Variants in PDZD9 observed in about 807,000 individuals in gnomAD.
PDZD9 encodes the protein PDZ domain containing 9, also known as PDZ domain-containing protein 9.
PDZD9 carries 13 observed loss-of-function variants against 16.3 expected under a neutral mutation model. The observed-to-expected ratio is 0.80, with a 90% CI of 0.52 to 1.27. The LOEUF (loss-of-function observed/expected upper bound fraction) is 1.27. Ranked by LOEUF, PDZD9 falls within the 50% of genes most tolerant of loss-of-function variation. The pLI is 0.00. For synonymous variants in PDZD9, 120 were observed against 111.0 expected (o/e 1.08, Z -0.51); for missense variants, 288 against 310.9 (o/e 0.93, Z 0.55).
intron 1 of PDZD9, among the ~76,000 whole-genome samples, chr16:21,997,630 G>A (rs1473926689): frequency 6.6e-6 from 1 of 152,214 alleles, no homozygotes; most frequent in Non-Finnish European, 1.5e-5. Flanking sequence ...GGGAAAATCC[G>A]AAGGCCTTGG....
intron 1 of PDZD9, 138 bp downstream of exon 1, chr16:22,000,868 ATGATGATAATG>A: frequency 1.4e-6 from 1 of 692,934 alleles, no homozygotes; most frequent in Non-Finnish European, 2.5e-6. Context: ...GATGATGATG[ATGATGATAATG>A]ATGATGATGA....
At chr16:21,958,432 A>G in the PDZD9 span, 1 of 1,025,398 alleles carries the variant, frequency 9.8e-7, no homozygotes, top group Non-Finnish European at 1.5e-6. Flanking sequence ...GGAATTTAGT[A>G]AAATTCTTTT....
chr16:21,968,830 A>C, the PDZD9 span: 1 of 559,946 alleles, frequency 1.8e-6, no homozygotes, highest in Non-Finnish European at 2.9e-6. Flanking sequence ...ATAGGATTTT[A>C]ATTGCTAGTC....
chr16:21,976,881 C>T, the PDZD9 span: 105 of 152,232 alleles, frequency 6.9e-4, no homozygotes, highest in African/African-American at 2.4e-3. Flanking sequence ...AAAATTTAAA[C>T]AATATTCATT....
the PDZD9 span, chr16:21,968,737 C>T: frequency 6.6e-7 from 1 of 1,515,962 alleles, no homozygotes; most frequent in Non-Finnish European, 8.9e-7. Context: ...AGAGCAGTTC[C>T]TTAAACTGTA....
At chr16:21,958,219 CAA>C in the PDZD9 span, among the ~76,000 whole-genome samples, 1 of 151,956 alleles carries the variant, frequency 6.6e-6, no homozygotes, top group Admixed American at 6.6e-5. Flanking sequence ...AATCAGTAAA[CAA>C]ATTTTTAACA....
the PDZD9 span, chr16:21,957,661 T>C: frequency 5.4e-6 from 8 of 1,486,898 alleles, no homozygotes; most frequent in Middle Eastern, 1.8e-4. Flanking sequence ...ATATTTTGAT[T>C]CCTTGACCTG....
the PDZD9 span, among the ~76,000 whole-genome samples, chr16:21,963,970 T>A: frequency 6.6e-6 from 1 of 152,356 alleles, no homozygotes; most frequent in East Asian, 1.9e-4. Context: ...TCTAATTATA[T>A]AATCTTGACA....
the PDZD9 span, among the ~76,000 whole-genome samples, chr16:21,972,431 C>G: frequency 6.6e-6 from 1 of 152,176 alleles, no homozygotes; most frequent in Non-Finnish European, 1.5e-5. Context: ...TAGATTCTAA[C>G]TAGTCTTTTT....
At chr16:21,958,750 A>T in the PDZD9 span, 1 of 688,014 alleles carries the variant, frequency 1.5e-6, no homozygotes, top group Non-Finnish European at 2.4e-6. Flanking sequence ...ACTGTAAAAC[A>T]TCTTTATGTC....
intron 2 of PDZD9, chr16:21,995,411 A>C: frequency 3.0e-6 from 1 of 337,456 alleles, no homozygotes; most frequent in Non-Finnish European, 5.9e-6. Flanking sequence ...ACAGCATCTC[A>C]CTGTGTTGCT....
chr16:21,997,424 A>G (rs1899178893), intron 1 of PDZD9, among the ~76,000 whole-genome samples: 1 of 152,236 alleles, frequency 6.6e-6, no homozygotes, highest in South Asian at 2.1e-4. Context: ...TCCCTGTCAG[A>G]GGAGGGGGAG....
downstream of PDZD9, chr16:21,983,419 A>G: frequency 2.1e-6 from 1 of 469,584 alleles, no homozygotes; most frequent in Non-Finnish European, 3.7e-6. Flanking sequence ...TTTGTTTTAG[A>G]TGCTTTAAAG....
the PDZD9 span, chr16:21,976,409 C>A: frequency 1.7e-6 from 1 of 604,858 alleles, no homozygotes; most frequent in Non-Finnish European, 2.7e-6. Context: ...TAATTGTTAA[C>A]ATTTTGGCCA....
the PDZD9 span, chr16:21,959,395 C>T: frequency 3.7e-6 from 1 of 272,312 alleles, no homozygotes; most frequent in Non-Finnish European, 7.4e-6. Context: ...ACTTTGTTTG[C>T]TCATCCATAA....
intron 2 of PDZD9, 66 bp downstream of exon 2, chr16:21,996,256 C>A: frequency 6.2e-6 from 9 of 1,444,650 alleles, no homozygotes; most frequent in Admixed American, 2.1e-5. Flanking sequence ...AACCCGGTGA[C>A]CCGAGTCACC....
chr16:21,989,718 T>G (rs1257208879), intron 2 of PDZD9, among the ~76,000 whole-genome samples: 1 of 152,174 alleles, frequency 6.6e-6, no homozygotes, highest in Admixed American at 6.5e-5. Flanking sequence ...ACAGCTAGGT[T>G]TCCCTACCTT....
At position 21,988,755 on chromosome 16, in the gene PDZD9, A is replaced by C. The variant is rs1898948007; in HGVS notation, c.248T>G (p.Leu83Ter). 1 of 1,612,896 alleles carries C rather than the reference A, an allele frequency of 6.2e-7. No homozygotes were observed. Among genetic ancestry groups the C allele is most frequent in the Non-Finnish European group, 8.5e-7 (1 of 1,179,778 alleles). Reference protein sequence around the residue: ...VLISVGHANVLGYTLREFLQL... With the variant: ...VLISVGHANV Reference sequence around the variant, plus strand: ...TAAAAATTCTCGAAGAGTATATCCTAACACATTGGCATGGCCAACACTAAT... The same window carrying C: ...TAAAAATTCTCGAAGAGTATATCCTCACACATTGGCATGGCCAACACTAAT... The change falls in exon 3 of 4, where the codon TTA becomes TGA. Residue 83 changes from leucine (L) to a stop codon, truncating the protein, a stop_gained. Coordinates refer to ENST00000424898, the MANE Select transcript of PDZD9 (RefSeq NM_001363519.1). LOFTEE classifies it high-confidence loss of function.
chr16:21,964,943 A>G, the PDZD9 span, among the ~76,000 whole-genome samples: 9 of 152,344 alleles, frequency 5.9e-5, no homozygotes, highest in South Asian at 1.9e-3. Context: ...ACCACAGAGG[A>G]GTAAGTCCCA....
Sources: allele counts gnomAD v4.1 joint callset (sites outside exome capture counted in the v4.1 genomes callset), GRCh38; gene constraint gnomAD v4.1.1; transcripts MANE v1.5; gene names NCBI Gene and HGNC (gene_info 2026-07-23, HGNC 2026-07-21).